IQCE: variants seen among roughly 807,000 people sequenced by gnomAD.
IQCE encodes the protein IQ domain-containing protein E.
A neutral mutation model predicts 96.0 loss-of-function variants in IQCE; 115 were observed. That is an observed-to-expected ratio of 1.20 (90% confidence interval 1.03 to 1.40). The LOEUF is 1.40. IQCE is among the 40% of genes most tolerant of loss of function. IQCE has a pLI of 0.00. For missense variants in IQCE, 1,041 were observed against 909.1 expected, an observed-to-expected ratio of 1.15 and a Z score of -1.87; for synonymous variants, 412 against 371.2, an observed-to-expected ratio of 1.11 and a Z score of -1.26.
chr7:2,593,693 C>T (rs1023427701), intron 15 of IQCE, among the ~76,000 whole-genome samples: 17 of 152,200 alleles, frequency 1.1e-4, no homozygotes, highest in African/African-American at 3.9e-4. Context: ...GGCGGACCCA[C>T]GTGACAAGTG....
intron 20 of IQCE, among the ~76,000 whole-genome samples, chr7:2,606,605 C>A (rs1231592722): frequency 6.6e-6 from 1 of 152,298 alleles, no homozygotes; most frequent in East Asian, 1.9e-4. Context: ...CTCTGGTTCT[C>A]AGCCTCTGTG....
At chr7:2,594,800 T>C in intron 15 of IQCE, 86 bp from the exon 16 acceptor site, 1 of 942,198 alleles carries the variant, frequency 1.1e-6, no homozygotes, top group Non-Finnish European at 1.8e-6. Context: ...TGTCTCCGCC[T>C]GGACCGCCCG....
chr7:2,563,584 G>A (rs1158758334), intron 1 of IQCE, among the ~76,000 whole-genome samples: 3 of 151,994 alleles, frequency 2.0e-5, no homozygotes, highest in African/African-American at 4.8e-5. Context: ...ATTTACAGCT[G>A]TATGTTTCTC....
In IQCE at chr7:2,589,673, G is replaced by C. The variant is rs531262943; in HGVS notation, c.1045-234G>C. Among the ~76,000 whole-genome samples, 23 of 152,212 alleles carry C rather than the reference G, an allele frequency of 1.5e-4. 1 individual carries two copies. The highest frequency in any genetic ancestry group is 5.1e-4 in the African/African-American group (21 of 41,516). On this transcript the variant is annotated intron_variant, in intron 13 of 21. Transcript: ENST00000402050. ...TTTAATGACTTCTGCCTGCGCCCTGGCTTGGCGGGGGTCTGCGCGTGCCTC... is the reference window on the plus strand; with the variant it reads ...TTTAATGACTTCTGCCTGCGCCCTGCCTTGGCGGGGGTCTGCGCGTGCCTC...
In IQCE at chr7:2,604,957, C is replaced by T. The variant is rs548528831; in HGVS notation, c.1709C>T (p.Ser570Leu). ...TKLLASKAHGSEPPSVPGLPD... is the reference protein window; with the variant it reads ...TKLLASKAHGLEPPSVPGLPD... ...CTCTTAGCAAGCAAAGCACATGGCT[C>T]AGAGCCACCCAGCGTGCCAGGCCTC... The change falls in exon 19 of 22, where the codon TCA (serine) becomes TTA (leucine). Residue 570 changes from serine to leucine, a missense_variant. Coordinates refer to ENST00000402050, the MANE Select transcript of IQCE (RefSeq NM_152558.5). The T allele has an allele frequency of 1.1e-5, 17 of 1,613,600 alleles. No homozygotes were observed. The highest frequency in any genetic ancestry group is 1.6e-4 in the Middle Eastern group (1 of 6,062).
intron 14 of IQCE, among the ~76,000 whole-genome samples, chr7:2,591,783 GCT>G (rs1783607420): frequency 6.6e-6 from 1 of 152,126 alleles, no homozygotes; most frequent in Admixed American, 6.5e-5. Context: ...ACCACACCTG[GCT>G]AATTTTTGTA....
intron 14 of IQCE, among the ~76,000 whole-genome samples, chr7:2,590,970 C>T (rs1001384527): frequency 6.6e-6 from 1 of 150,560 alleles, no homozygotes; most frequent in Non-Finnish European, 1.5e-5. Context: ...ATAAATGCTC[C>T]AGCCTGACGC....
chr7:2,559,329 G>T (rs915069335), intron 1 of IQCE, 112 bp downstream of exon 1: 6 of 494,614 alleles, frequency 1.2e-5, no homozygotes, highest in African/African-American at 6.2e-5. Flanking sequence ...GCGTGAGGAC[G>T]GGGCGCACGG....
chr7:2,613,056 C>G lies in IQCE; in HGVS notation c.*2894C>G, dbSNP rs924233547. 1 of 152,268 alleles carries G rather than the reference C, an allele frequency of 6.6e-6. No individual in the cohort carries two copies. The highest frequency in any genetic ancestry group is 2.1e-4 in the South Asian group (1 of 4,828). The allele number at this position is 152,268 out of a possible 1,614,324, so 9.4% of individuals were successfully genotyped here. A position where few individuals can be genotyped will look rare whatever the true frequency, so the allele number is the denominator to read the frequency against. On this transcript the variant is annotated 3_prime_UTR_variant, in exon 22 of 22. Transcript: ENST00000402050. Reference sequence around the variant, plus strand: ...TCCACATCACCTTGAACTTCAAGAACAGCAGCAAAGCTGTATCTGCTATCA... The same window carrying G: ...TCCACATCACCTTGAACTTCAAGAAGAGCAGCAAAGCTGTATCTGCTATCA...
intron 21 of IQCE, among the ~76,000 whole-genome samples, chr7:2,608,871 A>G (rs1184269285): frequency 6.6e-6 from 1 of 152,264 alleles, no homozygotes; most frequent in African/African-American, 2.4e-5. Flanking sequence ...GAAGATAACC[A>G]TGAAAGCTGT....
chr7:2,609,809 G>A (rs1785028978), intron 21 of IQCE, among the ~76,000 whole-genome samples: 2 of 152,074 alleles, frequency 1.3e-5, no homozygotes, highest in African/African-American at 4.8e-5. Context: ...TTGGTCCTGA[G>A]GCTGGAGAGT....
At chr7:2,589,445 G>A (rs1019331171) in intron 13 of IQCE, among the ~76,000 whole-genome samples, 1 of 152,158 alleles carries the variant, frequency 6.6e-6, no homozygotes, top group Non-Finnish European at 1.5e-5. Flanking sequence ...GAGGTGGTTC[G>A]GAAGCACAGT....
chr7:2,595,055 C>G (rs1191175283), intron 16 of IQCE, 79 bp downstream of exon 16: 10 of 1,007,722 alleles, frequency 9.9e-6, no homozygotes, highest in Non-Finnish European at 1.4e-5. Flanking sequence ...TTTCCCTGTC[C>G]AGAGTTTTTT....
chr7:2,563,375 T>TTGTGTGTGTG lies in IQCE; in HGVS notation c.37-3713_37-3704dup, dbSNP rs143397539. 6.9e-3 allele frequency among the ~76,000 whole-genome samples: 936 copies of TTGTGTGTGTG among 135,756 alleles called. 6 individuals are homozygous for TTGTGTGTGTG. The highest frequency in any genetic ancestry group is 0.02 in the African/African-American group (689 of 34,702). The allele number at this position is 135,756 out of a possible 152,430, so 89.1% of individuals were successfully genotyped here. On this transcript the variant is annotated intron_variant, in intron 1 of 21. Transcript: ENST00000402050. The stretch of plus-strand genomic sequence containing the variant: ...TGATGCCCAGCTAATTAATTTTTTG[T>TTGTGTGTGTG]TGTGTGTGTGTGTGTGTGTGTGTGT...
intron 1 of IQCE, among the ~76,000 whole-genome samples, chr7:2,563,136 G>C (rs974754902): frequency 1.3e-5 from 2 of 152,086 alleles, no homozygotes; most frequent in African/African-American, 4.8e-5. Flanking sequence ...ATGTCACCCA[G>C]GCTGGTCTCG....
At chr7:2,605,844 C>G (rs1163066539) in intron 19 of IQCE, 32 bp from the exon 20 acceptor site, 7 of 1,518,894 alleles carry the variant, frequency 4.6e-6, no homozygotes, top group South Asian at 1.2e-5. Flanking sequence ...GGCTGCCAAA[C>G]AGTCGTCTTC....
chr7:2,574,426 C>T (rs940922683), intron 6 of IQCE, among the ~76,000 whole-genome samples: 8 of 152,356 alleles, frequency 5.3e-5, no homozygotes, highest in African/African-American at 1.4e-4. Context: ...AACAGTCAGA[C>T]TTGAGGCTGT....
rs149226051 is a variant in IQCE at position 2,569,148 on chromosome 7, C to T, written c.130+149C>T. 1.3e-3 allele frequency: 904 copies of T among 703,994 alleles called. 2 individuals carry two copies. Among genetic ancestry groups the T allele is most frequent in the Admixed American group, 1.8e-3 (74 of 40,512 alleles). 43.6% of individuals were successfully genotyped at this position (703,994 alleles called of 1,614,324 possible). A position where few individuals can be genotyped will look rare whatever the true frequency, so the allele number is the denominator to read the frequency against. The stretch of plus-strand genomic sequence containing the variant: ...ATTCCCACTGGGGTCTCCCAGTTCG[C>T]GCTGGAGTCTCCCCCTTTCATGTTG... On this transcript the variant is annotated intron_variant, in intron 3 of 21. Transcript: ENST00000402050.
chr7:2,606,357 T>C (rs538885729), intron 20 of IQCE, among the ~76,000 whole-genome samples: 2 of 152,190 alleles, frequency 1.3e-5, no homozygotes, highest in East Asian at 3.9e-4. Flanking sequence ...GAAAGAAAAC[T>C]GTGTTGTGAC....
Sources: allele counts gnomAD v4.1 joint callset (sites outside exome capture counted in the v4.1 genomes callset), GRCh38; gene constraint gnomAD v4.1.1; transcripts MANE v1.5; gene names NCBI Gene and HGNC (gene_info 2026-07-23, HGNC 2026-07-21).